The following SEC61B variants were observed in gnomAD, a reference collection of about 807,000 sequenced individuals.
SEC61B encodes the protein protein transport protein Sec61 subunit beta.
A neutral mutation model predicts 12.6 loss-of-function variants in SEC61B; 7 were observed. The observed-to-expected ratio is 0.55, with a 90% CI of 0.32 to 1.04. The LOEUF is 1.04. Among genes scored for constraint, SEC61B ranks in the 50% least tolerant of loss-of-function variants. The probability of loss-of-function intolerance (pLI) is 0.05; values close to 1 mark genes in which losing one functional copy is unlikely to be tolerated. For missense variants in SEC61B, 107 were observed against 130.1 expected (o/e 0.82, Z 0.86); for synonymous variants, 54 against 50.1 (o/e 1.08, Z -0.33).
At chr9:99,225,133 C>A (rs1345629021) in intron 2 of SEC61B, among the ~76,000 whole-genome samples, 1 of 152,184 alleles carries the variant, frequency 6.6e-6, no homozygotes, top group African/African-American at 2.4e-5. Context: ...GTATTGAGGT[C>A]TACTACATGC....
intron 2 of SEC61B, among the ~76,000 whole-genome samples, chr9:99,226,450 T>G (rs998484682): frequency 6.6e-6 from 1 of 152,180 alleles, no homozygotes; most frequent in Non-Finnish European, 1.5e-5. Context: ...TGCCCTTCCC[T>G]TTTTCAAAAA....
intron 2 of SEC61B, among the ~76,000 whole-genome samples, chr9:99,223,856 A>G (rs1156938961): frequency 6.6e-6 from 1 of 152,240 alleles, no homozygotes; most frequent in Non-Finnish European, 1.5e-5. Context: ...GTCTGTAAGC[A>G]GCAGTAGCTA....
chr9:99,224,700 G>T (rs1259570663), intron 2 of SEC61B, among the ~76,000 whole-genome samples: 1 of 152,192 alleles, frequency 6.6e-6, no homozygotes, highest in Non-Finnish European at 1.5e-5. Flanking sequence ...AAAGACCATG[G>T]TTGTATGTAT....
chr9:99,229,355 T>C (rs1340493333), intron 3 of SEC61B, among the ~76,000 whole-genome samples: 2 of 152,172 alleles, frequency 1.3e-5, no homozygotes, highest in Non-Finnish European at 2.9e-5. Context: ...GACAGGGTTT[T>C]GCTCTGTCGC....
At chr9:99,225,313 G>A (rs938249775) in intron 2 of SEC61B, among the ~76,000 whole-genome samples, 3 of 152,204 alleles carry the variant, frequency 2.0e-5, no homozygotes, top group Admixed American at 6.5e-5. Context: ...GATAGAGAGT[G>A]GTGGGGATAG....
intron 2 of SEC61B, among the ~76,000 whole-genome samples, chr9:99,226,961 C>T (rs947077293): frequency 2.6e-5 from 4 of 151,962 alleles, no homozygotes; most frequent in Non-Finnish European, 5.9e-5. Context: ...GATCTGTGAT[C>T]ACTATATTAA....
intron 2 of SEC61B, among the ~76,000 whole-genome samples, chr9:99,226,636 C>T (rs1435609992): frequency 6.6e-6 from 1 of 152,150 alleles, no homozygotes; most frequent in African/African-American, 2.4e-5. Context: ...TCACCACTTG[C>T]CCCTTACCCC....
intron 2 of SEC61B, among the ~76,000 whole-genome samples, chr9:99,227,499 A>G (rs1325096995): frequency 1.3e-5 from 2 of 152,186 alleles, no homozygotes; most frequent in African/African-American, 4.8e-5. Context: ...GCTTCATGAA[A>G]GATGCATGTG....
intron 3 of SEC61B, among the ~76,000 whole-genome samples, chr9:99,228,606 G>C (rs1828927028): frequency 6.6e-6 from 1 of 152,208 alleles, no homozygotes; most frequent in South Asian, 2.1e-4. Context: ...AGGGTTTCTG[G>C]TGCTGTGTGG....
intron 2 of SEC61B, 181 bp downstream of exon 2, chr9:99,222,824 C>T: frequency 3.6e-6 from 2 of 559,866 alleles, no homozygotes; most frequent in South Asian, 2.4e-5. Context: ...TTTCTCGTTG[C>T]TCAGTTTAGG....
At chr9:99,225,311 G>A (rs1339355765) in intron 2 of SEC61B, among the ~76,000 whole-genome samples, 2 of 152,218 alleles carry the variant, frequency 1.3e-5, no homozygotes, top group East Asian at 1.9e-4. Flanking sequence ...GGGATAGAGA[G>A]TGGTGGGGAT....
At chr9:99,228,362 G>A (rs1052780195) in intron 3 of SEC61B, among the ~76,000 whole-genome samples, 1 of 152,186 alleles carries the variant, frequency 6.6e-6, no homozygotes, top group Non-Finnish European at 1.5e-5. Context: ...AATAGGAATT[G>A]GGTGATTTTT....
chr9:99,227,827 G>T (rs764491792), intron 2 of SEC61B, 72 bp from the exon 3 acceptor site: 14 of 1,019,580 alleles, frequency 1.4e-5, no homozygotes, highest in East Asian at 2.5e-5. Flanking sequence ...GTGTAATAAT[G>T]GTAGCATATG....
chr9:99,227,133 G>A (rs1201018408), intron 2 of SEC61B, among the ~76,000 whole-genome samples: 4 of 151,964 alleles, frequency 2.6e-5, no homozygotes, highest in African/African-American at 7.2e-5. Flanking sequence ...GGGCATGGTG[G>A]CGCACGCCTG....
intron 2 of SEC61B, among the ~76,000 whole-genome samples, chr9:99,224,165 C>A (rs1828870786): frequency 1.3e-5 from 2 of 152,190 alleles, no homozygotes; most frequent in South Asian, 4.1e-4. Flanking sequence ...TTTCTGGCTG[C>A]AACAGGTAAA....
intron 2 of SEC61B, among the ~76,000 whole-genome samples, chr9:99,223,802 T>C (rs1052074338): frequency 6.6e-6 from 1 of 152,234 alleles, no homozygotes; most frequent in South Asian, 2.1e-4. Flanking sequence ...CTACTTATTT[T>C]CCAAGACTAA....
At chr9:99,229,142 T>A (rs546392585) in intron 3 of SEC61B, among the ~76,000 whole-genome samples, 1 of 152,300 alleles carries the variant, frequency 6.6e-6, no homozygotes, top group East Asian at 1.9e-4. Flanking sequence ...CACAAAAGGA[T>A]CACAAATTTA....
intron 3 of SEC61B, among the ~76,000 whole-genome samples, chr9:99,229,753 A>G (rs1370613703): frequency 1.3e-5 from 2 of 152,160 alleles, no homozygotes; most frequent in Non-Finnish European, 2.9e-5. Flanking sequence ...AGATGTTTTG[A>G]TACAGGCATA....
rs1554708197 is a variant in SEC61B, at chr9:99,222,284, T to C, written c.-80T>C. On this transcript the variant is annotated 5_prime_UTR_variant, in exon 1 of 4. Transcript: ENST00000223641. ...AGTCCGGGGGCGGGGCCTGAGTCAG[T>C]CTCGCCAGCTGCCGGTCTTTCGGGG... 8.7e-6 allele frequency: 14 copies of C among 1,606,276 alleles called. No homozygotes were observed. In the South Asian group the frequency reaches 1.2e-4, roughly 14 times the overall value.
Sources: allele counts gnomAD v4.1 joint callset (sites outside exome capture counted in the v4.1 genomes callset), GRCh38; gene constraint gnomAD v4.1.1; transcripts MANE v1.5; gene names NCBI Gene and HGNC (gene_info 2026-07-23, HGNC 2026-07-21).